MAOB: variants seen among roughly 807,000 people sequenced by gnomAD.
The protein encoded by MAOB is amine oxidase [flavin-containing] B.
A neutral mutation model predicts 41.9 loss-of-function variants in MAOB; 15 were observed. That is an observed-to-expected ratio of 0.36 (90% confidence interval 0.24 to 0.55). The LOEUF is 0.55. Among genes scored for constraint, MAOB ranks in the 20% least tolerant of loss-of-function variants. MAOB has a pLI of 0.86. For synonymous variants in MAOB, 167 were observed against 144.2 expected (o/e 1.16, Z -1.13); for missense variants, 345 against 398.7 (o/e 0.87, Z 1.15).
At chrX:43,775,055 GTTTTTT>G in intron 12 of MAOB, 114 bp downstream of exon 12, 2 of 618,358 alleles carry the variant, frequency 3.2e-6, no homozygotes, top group Non-Finnish European at 4.0e-6. Context: ...AAATTGGGTT[GTTTTTT>G]TTTTTTTTTT....
chrX:43,840,765 C>G (rs2035126084), intron 2 of MAOB, among the ~76,000 whole-genome samples: 1 of 111,115 alleles, frequency 9.0e-6, no homozygotes, highest in South Asian at 3.9e-4. Flanking sequence ...GGCCCAGATA[C>G]TTTGCTTTTC....
intron 8 of MAOB, among the ~76,000 whole-genome samples, chrX:43,789,591 T>C (rs1216924191): frequency 8.9e-6 from 1 of 111,889 alleles, no homozygotes; most frequent in African/African-American, 3.3e-5. Context: ...AATGAAGGGC[T>C]GATGCATCCC....
At chrX:43,858,647 T>C (rs928524045) in intron 1 of MAOB, among the ~76,000 whole-genome samples, 2 of 110,783 alleles carry the variant, frequency 1.8e-5, no homozygotes, top group African/African-American at 3.3e-5. Flanking sequence ...GTAAATACTT[T>C]ATCCCTTACT....
Position 43,857,159 on chromosome X carries a change from AG to A in MAOB, c.47-13396del, listed in dbSNP as rs1569230955. Among the ~76,000 whole-genome samples the A allele has an allele frequency of 5.3e-4, 31 of 58,525 alleles. 1 individual carries two copies. Among genetic ancestry groups the A allele is most frequent in the East Asian group, 3.2e-3 (5 of 1,584 alleles). 50.8% of individuals were successfully genotyped at this position (58,525 alleles called of 115,157 possible). On this transcript the variant is annotated intron_variant, in intron 1 of 14. Transcript: ENST00000378069. ...GAGAGAGAGAGAGAGAGAGAGAGAGAGAGAGAAGAAGAGAGAGAGAGAGAGA... is the reference window on the plus strand; with the variant it reads ...GAGAGAGAGAGAGAGAGAGAGAGAGAAGAGAAGAAGAGAGAGAGAGAGAGA...
chrX:43,793,625 GT>G (rs1405687804), intron 7 of MAOB, 47 bp from the exon 8 acceptor site: 9 of 1,022,854 alleles, frequency 8.8e-6, no homozygotes, highest in East Asian at 6.4e-5. Flanking sequence ...TGTTGCTTTT[GT>G]TTTTTTCCCA....
intron 3 of MAOB, among the ~76,000 whole-genome samples, chrX:43,817,138 T>C (rs1055088557): frequency 5.8e-4 from 61 of 105,079 alleles, no homozygotes; most frequent in African/African-American, 2.0e-3. Context: ...TCTTCTTCTT[T>C]TCTCTCTCTC....
At chrX:43,854,796 A>C (rs1034434463) in intron 1 of MAOB, among the ~76,000 whole-genome samples, 1 of 111,868 alleles carries the variant, frequency 8.9e-6, no homozygotes, top group African/African-American at 3.3e-5. Flanking sequence ...TCTAGAACTT[A>C]AGTGAGAAAT....
chrX:43,767,148 T>C lies in MAOB; in HGVS notation c.*318A>G, dbSNP rs2034121519. ...CAAAGCCATAATGGTAGGAAAAAAT[T>C]CATTCCTTGTGCATGGGCAAGGTGT... On this transcript the variant is annotated 3_prime_UTR_variant, in exon 15 of 15. Coordinates refer to ENST00000378069, the MANE Select transcript of MAOB (RefSeq NM_000898.5). 1.3e-5 allele frequency: 3 copies of C among 232,555 alleles called. No homozygotes were observed. Among genetic ancestry groups the C allele is most frequent in the African/African-American group, 8.5e-5 (3 of 35,101 alleles). The allele number at this position is 232,555 out of a possible 1,213,427, so 19.2% of individuals were successfully genotyped here. A position where few individuals can be genotyped will look rare whatever the true frequency, so the allele number is the denominator to read the frequency against.
chrX:43,857,184 G>A (rs2035304153), intron 1 of MAOB, among the ~76,000 whole-genome samples: 1 of 93,451 alleles, frequency 1.1e-5, no homozygotes, highest in South Asian at 5.9e-4. Flanking sequence ...GAGAGAGAGA[G>A]AGAGAGAGAG....
At chrX:43,818,586 A>C (rs1334474973) in intron 3 of MAOB, among the ~76,000 whole-genome samples, 1 of 112,218 alleles carries the variant, frequency 8.9e-6, no homozygotes, top group African/African-American at 3.2e-5. Context: ...TGACTTTAAG[A>C]GTATTAGGCA....
intron 1 of MAOB, among the ~76,000 whole-genome samples, chrX:43,879,516 G>A (rs189515303): frequency 6.3e-5 from 7 of 111,342 alleles, no homozygotes; most frequent in African/African-American, 1.3e-4. Context: ...AACCTCTATC[G>A]TACACATTTG....
At chrX:43,794,700 A>G (rs2034506079) in intron 7 of MAOB, among the ~76,000 whole-genome samples, 1 of 109,980 alleles carries the variant, frequency 9.1e-6, no homozygotes, top group South Asian at 4.0e-4. Flanking sequence ...CCCCACCCCA[A>G]ATATTCTGGT....
intron 8 of MAOB, 87 bp from the exon 9 acceptor site, chrX:43,781,631 T>C: frequency 4.1e-6 from 2 of 488,082 alleles, no homozygotes; most frequent in Non-Finnish European, 6.6e-6. Context: ...TTTTTAAACT[T>C]GAGAAGCCCA....
intron 3 of MAOB, among the ~76,000 whole-genome samples, chrX:43,808,628 C>T (rs1023401505): frequency 1.1e-5 from 1 of 91,212 alleles, no homozygotes; most frequent in African/African-American, 4.0e-5. Flanking sequence ...CAAAAGCATC[C>T]TGCACATCTA....
chrX:43,799,617 C>A (rs1003850772), intron 5 of MAOB, among the ~76,000 whole-genome samples: 9 of 111,341 alleles, frequency 8.1e-5, no homozygotes, highest in Admixed American at 1.9e-4. Flanking sequence ...ACTCTAGGAG[C>A]TTCAGTAAGA....
At chrX:43,798,057 G>T (rs1352149648) in intron 5 of MAOB, among the ~76,000 whole-genome samples, 1 of 111,599 alleles carries the variant, frequency 9.0e-6, no homozygotes, top group Non-Finnish European at 1.9e-5. Context: ...CTATGAAAAC[G>T]ACCACTGGCT....
Position 43,808,689 on chromosome X carries a change from T to A in MAOB, c.280-5285A>T, listed in dbSNP as rs866707973. Among the ~76,000 whole-genome samples, 14 of 92,471 alleles carry A rather than the reference T, an allele frequency of 1.5e-4. 1 individual carries two copies. In the South Asian group the frequency reaches 4.5e-3, roughly 30 times the overall value. 80.3% of individuals were successfully genotyped at this position (92,471 alleles called of 115,157 possible). On this transcript the variant is annotated intron_variant, in intron 3 of 14. Coordinates refer to ENST00000378069, the MANE Select transcript of MAOB (RefSeq NM_000898.5). ...ATCTATATCTATATCTATATCTATA[T>A]CTACACATAGACACACACACACACA... is the stretch of plus-strand genomic sequence containing the variant.
In MAOB at chrX:43,802,728, A is replaced by G. The variant is rs996092703; in HGVS notation, c.385-465T>C. On this transcript the variant is annotated intron_variant, in intron 4 of 14. Transcript: ENST00000378069. ...CTCACTCATAAGTGGGAGTTGAACA[A>G]TGAAAACATATGGACACAGGGAGGG... is the stretch of plus-strand genomic sequence containing the variant. 3.7e-5 allele frequency among the ~76,000 whole-genome samples: 4 copies of G among 109,183 alleles called. No homozygotes were observed. The Admixed American group carries it at 3.9e-4, about 11-fold the overall frequency. The allele number at this position is 109,183 out of a possible 115,157, so 94.8% of individuals were successfully genotyped here.
intron 3 of MAOB, among the ~76,000 whole-genome samples, chrX:43,821,272 A>C (rs934292134): frequency 9.0e-6 from 1 of 110,499 alleles, no homozygotes; most frequent in African/African-American, 3.3e-5. Context: ...TCCATCCCCA[A>C]ATGCTTACCC....
Sources: gnomAD v4.1 joint callset for allele counts (sites outside exome capture counted in the v4.1 genomes callset) on GRCh38, gnomAD v4.1.1 for gene constraint, MANE v1.5 for transcripts, NCBI Gene and HGNC (gene_info 2026-07-23, HGNC 2026-07-21) for gene names.